MFSD8: variants seen among roughly 807,000 people sequenced by gnomAD.
MFSD8 encodes the protein major facilitator superfamily domain containing 8.
A neutral mutation model predicts 66.4 loss-of-function variants in MFSD8; 55 were observed. That is an observed-to-expected ratio of 0.83 (90% confidence interval 0.67 to 1.04). The LOEUF is 1.04. MFSD8 is among the 50% of genes least tolerant of loss of function. The pLI is 0.00. For synonymous variants in MFSD8, 202 were observed against 212.8 expected, an observed-to-expected ratio of 0.95 and a Z score of 0.44; for missense variants, 550 against 627.6, an observed-to-expected ratio of 0.88 and a Z score of 1.32.
chr4:127,925,626 T>G (rs1737071847), intron 9 of MFSD8, among the ~76,000 whole-genome samples: 1 of 152,182 alleles, frequency 6.6e-6, no homozygotes, highest in South Asian at 2.1e-4. Context: ...TAGGAACACC[T>G]TTACACTGTT....
At chr4:127,923,721 A>AG (rs1736741953) in intron 9 of MFSD8, among the ~76,000 whole-genome samples, 2 of 151,682 alleles carry the variant, frequency 1.3e-5, no homozygotes, top group Admixed American at 6.6e-5. Flanking sequence ...CTGGGACTAC[A>AG]GGTGCCTGCC....
At chr4:127,940,167 T>C (rs1393934808) in intron 5 of MFSD8, among the ~76,000 whole-genome samples, 170 bp from the exon 6 acceptor site, 1 of 152,164 alleles carries the variant, frequency 6.6e-6, no homozygotes, top group African/African-American at 2.4e-5. Flanking sequence ...AAAAATTTCC[T>C]CTTTTTATGT....
intron 2 of MFSD8, among the ~76,000 whole-genome samples, chr4:127,955,308 T>G (rs1742660058): frequency 6.6e-6 from 1 of 152,046 alleles, no homozygotes; most frequent in African/African-American, 2.4e-5. Flanking sequence ...TTTGGGAGGC[T>G]GAGGCCGGTG....
Position 127,929,422 on chromosome 4 carries a change from A to T in MFSD8, c.998+1261T>A, listed in dbSNP as rs375065183. 3.9e-5 allele frequency among the ~76,000 whole-genome samples: 5 copies of T among 128,092 alleles called. No homozygotes were observed. The East Asian group carries it at 8.4e-4, about 21-fold the overall frequency. 84.0% of individuals were successfully genotyped at this position (128,092 alleles called of 152,430 possible). On this transcript the variant is annotated intron_variant, in intron 9 of 11. Coordinates refer to ENST00000641686, the MANE Select transcript of MFSD8 (RefSeq NM_001371596.2). ...CAAGATCTTGTCTCTACAAAAAGTTAAAAAAAAAAAAAAAAATTAGCCAGG... is the reference window on the plus strand; with the variant it reads ...CAAGATCTTGTCTCTACAAAAAGTTTAAAAAAAAAAAAAAAATTAGCCAGG...
chr4:127,936,929 C>T (rs977119510), intron 7 of MFSD8, among the ~76,000 whole-genome samples: 2 of 152,184 alleles, frequency 1.3e-5, no homozygotes, highest in Non-Finnish European at 2.9e-5. Flanking sequence ...ACCTCTACCT[C>T]ACCCTCTTAA....
chr4:127,957,062 T>C (rs1578984283), intron 2 of MFSD8, among the ~76,000 whole-genome samples: 1 of 152,254 alleles, frequency 6.6e-6, no homozygotes, highest in East Asian at 1.9e-4. Flanking sequence ...TACCCTAGAA[T>C]ACATATAATG....
intron 3 of MFSD8, 57 bp downstream of exon 3, chr4:127,949,747 A>G (rs1741634031): frequency 7.1e-7 from 1 of 1,413,194 alleles, no homozygotes; most frequent in East Asian, 2.3e-5. Flanking sequence ...ATGCTTAACT[A>G]CGTAAGAGTT....
At chr4:127,962,251 T>G (rs549270976) in intron 1 of MFSD8, among the ~76,000 whole-genome samples, 2 of 152,190 alleles carry the variant, frequency 1.3e-5, no homozygotes, top group East Asian at 3.9e-4. Flanking sequence ...GTGGATCACT[T>G]GAGGTCAGGA....
intron 9 of MFSD8, among the ~76,000 whole-genome samples, chr4:127,926,475 T>C (rs1197131356): frequency 6.6e-6 from 1 of 151,504 alleles, no homozygotes; most frequent in Non-Finnish European, 1.5e-5. Flanking sequence ...CTATTCTTCT[T>C]TGTAGTACTT....
At chr4:127,961,580 C>T (rs1743743867) in intron 1 of MFSD8, among the ~76,000 whole-genome samples, 2 of 151,832 alleles carry the variant, frequency 1.3e-5, no homozygotes, top group South Asian at 4.2e-4. Flanking sequence ...TTTGGGAGGC[C>T]GAGGCGGGCG....
chr4:127,952,481 C>A (rs549474974), intron 2 of MFSD8, among the ~76,000 whole-genome samples: 1 of 152,146 alleles, frequency 6.6e-6, no homozygotes, highest in Non-Finnish European at 1.5e-5. Context: ...TTACTTTGAT[C>A]AGTAAAGGAC....
chr4:127,939,622 A>C (rs1388480091), intron 6 of MFSD8: 2 of 322,430 alleles, frequency 6.2e-6, no homozygotes, highest in Non-Finnish European at 1.1e-5. Flanking sequence ...AAAAAAAAAA[A>C]AAAAAAAAAA....
chr4:127,930,904 T>C (rs1323767347), intron 8 of MFSD8, 87 bp from the exon 9 acceptor site: 5 of 1,300,094 alleles, frequency 3.8e-6, no homozygotes, highest in Non-Finnish European at 4.3e-6. Flanking sequence ...TAACGACATC[T>C]ACACATTCAA....
Position 127,919,854 on chromosome 4 carries a change from AAC to A in MFSD8, c.*774_*775del, listed in dbSNP as rs908417410. On this transcript the variant is annotated 3_prime_UTR_variant, in exon 12 of 12. Transcript: ENST00000641686. Reference sequence around the variant, plus strand: ...TGTTTTGTATATATATATATAAAATAACACATATCTGGATTATGTTTCTAATG... The same window carrying A: ...TGTTTTGTATATATATATATAAAATAACATATCTGGATTATGTTTCTAATG... The A allele has an allele frequency of 1.3e-5, 2 of 152,348 alleles. No homozygotes were observed. Among genetic ancestry groups the A allele is most frequent in the South Asian group, 2.1e-4 (1 of 4,832 alleles). The allele number at this position is 152,348 out of a possible 1,614,324, so 9.4% of individuals were successfully genotyped here.
intron 6 of MFSD8, 123 bp from the exon 7 acceptor site, chr4:127,938,961 T>C (rs1739616386): frequency 1.5e-6 from 1 of 660,024 alleles, no homozygotes; most frequent in Admixed American, 2.6e-5. Context: ...GGTTTTTCAG[T>C]AATAAAACTG....
chr4:127,940,225 G>A (rs1227245166), intron 5 of MFSD8, among the ~76,000 whole-genome samples: 2 of 151,668 alleles, frequency 1.3e-5, no homozygotes, highest in Non-Finnish European at 2.9e-5. Context: ...AAAGATATAT[G>A]ACACATCTGT....
At position 127,957,599 on chromosome 4, in the gene MFSD8, G is replaced by A. The variant is rs1167489712; in HGVS notation, c.63-7C>T. 6.3e-7 allele frequency: 1 copy of A among 1,587,116 alleles called. No homozygotes were observed. Among genetic ancestry groups the A allele is most frequent in the Admixed American group, 1.7e-5 (1 of 59,258 alleles). ...CTCTAAAATGTCCCATTCTCTAGGTGTAAAGAAGAAAAAAGTAGTATAAAT... is the reference window on the plus strand; with the variant it reads ...CTCTAAAATGTCCCATTCTCTAGGTATAAAGAAGAAAAAAGTAGTATAAAT... On this transcript the variant is annotated splice_polypyrimidine_tract_variant and splice_region_variant and intron_variant, in intron 1 of 11. Transcript: ENST00000641686.
rs546177856 is a variant in MFSD8, at chr4:127,932,235, A to G, written c.863+750T>C. On this transcript the variant is annotated intron_variant, in intron 8 of 11. Coordinates refer to ENST00000641686, the MANE Select transcript of MFSD8 (RefSeq NM_001371596.2). Reference sequence around the variant, plus strand: ...ATATATCTCAATAATTTTGAAAATAAAAACACCAAGCAAACCTACAAGTAC... The same window carrying G: ...ATATATCTCAATAATTTTGAAAATAGAAACACCAAGCAAACCTACAAGTAC... The G allele has an allele frequency of 2.0e-5, 3 of 152,376 alleles. No individual in the cohort carries two copies. In the East Asian group the frequency reaches 5.8e-4, roughly 29 times the overall value. 9.4% of individuals were successfully genotyped at this position (152,376 alleles called of 1,614,324 possible). A position where few individuals can be genotyped will look rare whatever the true frequency, so the allele number is the denominator to read the frequency against.
chr4:127,953,309 A>G, intron 2 of MFSD8, among the ~76,000 whole-genome samples: 1 of 151,374 alleles, frequency 6.6e-6, no homozygotes, highest in East Asian at 2.0e-4. Flanking sequence ...ACCAACATGG[A>G]GAAACCCCGT....
Sources: gnomAD v4.1 joint callset for allele counts (sites outside exome capture counted in the v4.1 genomes callset) on GRCh38, gnomAD v4.1.1 for gene constraint, MANE v1.5 for transcripts, NCBI Gene and HGNC (gene_info 2026-07-23, HGNC 2026-07-21) for gene names.